TPD52: variants seen among roughly 807,000 people sequenced by gnomAD.
TPD52 encodes tumor protein D52.
TPD52 carries 17 observed loss-of-function variants against 31.3 expected under a neutral mutation model. That is an observed-to-expected ratio of 0.54 (90% confidence interval 0.37 to 0.82). TPD52 has a LOEUF of 0.82. Among genes scored for constraint, TPD52 ranks in the 40% least tolerant of loss-of-function variants. The pLI is 0.00. For synonymous variants in TPD52, 83 were observed against 89.6 expected (o/e 0.93, Z 0.42); for missense variants, 212 against 240.1 (o/e 0.88, Z 0.77).
chr8:80,127,330 T>C (rs1019032242), intron 1 of TPD52, among the ~76,000 whole-genome samples: 1 of 152,356 alleles, frequency 6.6e-6, no homozygotes, highest in East Asian at 1.9e-4. Context: ...CTGTGTATTA[T>C]AACTTCACTT....
intron 1 of TPD52, among the ~76,000 whole-genome samples, chr8:80,069,868 A>C (rs995012495): frequency 2.0e-5 from 3 of 152,194 alleles, no homozygotes; most frequent in African/African-American, 7.2e-5. Context: ...AGGGAAAGGC[A>C]GAGCAGAGTG....
At chr8:80,067,418 A>C (rs573152546) in intron 1 of TPD52, 1 of 152,382 alleles carries the variant, frequency 6.6e-6, no homozygotes, top group East Asian at 1.9e-4. Context: ...AGATACCAAA[A>C]TCACCAGCAA....
At chr8:80,134,319 G>C (rs1809239179) in intron 1 of TPD52, among the ~76,000 whole-genome samples, 1 of 152,148 alleles carries the variant, frequency 6.6e-6, no homozygotes, top group South Asian at 2.1e-4. Context: ...ATGTCCCTGG[G>C]CTCACCTTTA....
intron 1 of TPD52, among the ~76,000 whole-genome samples, chr8:80,070,080 C>G (rs1249085853): frequency 1.3e-5 from 2 of 152,146 alleles, no homozygotes; most frequent in Non-Finnish European, 2.9e-5. Flanking sequence ...ACCCATTTGC[C>G]ACATACTTTC....
chr8:80,053,972 A>G (rs964825284), intron 2 of TPD52, among the ~76,000 whole-genome samples: 7 of 152,188 alleles, frequency 4.6e-5, no homozygotes, highest in Non-Finnish European at 1.0e-4. Flanking sequence ...TGTGTCTGGC[A>G]AAGTCATGGC....
chr8:80,066,794 G>A (rs1264990384), intron 1 of TPD52: 2 of 152,164 alleles, frequency 1.3e-5, no homozygotes, highest in African/African-American at 4.8e-5. Flanking sequence ...TACCCTCTAT[G>A]TCAGATTATG....
chr8:80,165,422 T>C (rs1443662703), intron 1 of TPD52, among the ~76,000 whole-genome samples: 3 of 152,194 alleles, frequency 2.0e-5, no homozygotes, highest in African/African-American at 4.8e-5. Flanking sequence ...CAGCAAAATA[T>C]CAGGGTGAAG....
chr8:80,100,009 T>C (rs1247277069), intron 1 of TPD52, among the ~76,000 whole-genome samples: 1 of 152,230 alleles, frequency 6.6e-6, no homozygotes, highest in Non-Finnish European at 1.5e-5. Flanking sequence ...TCTGTGGATT[T>C]CTAAGAAGGC....
intron 1 of TPD52, among the ~76,000 whole-genome samples, chr8:80,170,443 A>C (rs1812004494): frequency 6.7e-6 from 1 of 148,450 alleles, no homozygotes; most frequent in African/African-American, 2.4e-5. Context: ...CAGAGTCTGA[A>C]AAAAATAAAG....
At chr8:80,124,578 T>C (rs1808474360) in intron 1 of TPD52, among the ~76,000 whole-genome samples, 1 of 152,166 alleles carries the variant, frequency 6.6e-6, no homozygotes, top group Admixed American at 6.5e-5. Context: ...TATGGCATAG[T>C]TTAATTAGCA....
chr8:80,168,175 A>T (rs1453232251), intron 1 of TPD52, among the ~76,000 whole-genome samples: 1 of 152,250 alleles, frequency 6.6e-6, no homozygotes, highest in Non-Finnish European at 1.5e-5. Context: ...GAGAGAAAGT[A>T]GAAAAACAAC....
chr8:80,096,363 C>T (rs1021333302), intron 1 of TPD52, among the ~76,000 whole-genome samples: 1 of 151,928 alleles, frequency 6.6e-6, no homozygotes, highest in African/African-American at 2.4e-5. Flanking sequence ...AGCACCAAAA[C>T]TCATCTGCTT....
intron 1 of TPD52, among the ~76,000 whole-genome samples, chr8:80,071,526 C>T (rs982082011): frequency 1.3e-5 from 2 of 152,114 alleles, no homozygotes; most frequent in African/African-American, 4.8e-5. Context: ...CCACTAAGGA[C>T]AATTCTGGGT....
intron 1 of TPD52, among the ~76,000 whole-genome samples, chr8:80,081,154 CTCTT>C (rs1256372852): frequency 2.1e-3 from 290 of 141,134 alleles, no homozygotes; most frequent in African/African-American, 6.8e-3. Flanking sequence ...TCTTTTCTCT[CTCTT>C]TTTTTTTTTT....
intron 1 of TPD52, among the ~76,000 whole-genome samples, chr8:80,134,251 G>A (rs1043012164): frequency 6.6e-6 from 1 of 152,214 alleles, no homozygotes; most frequent in African/African-American, 2.4e-5. Context: ...CCAACCCTAT[G>A]AGGGGCACTG....
chr8:80,149,786 G>A (rs1586398473), intron 1 of TPD52, among the ~76,000 whole-genome samples: 1 of 152,204 alleles, frequency 6.6e-6, no homozygotes, highest in East Asian at 1.9e-4. Context: ...CTTTGAACTT[G>A]AGAGAGATGA....
chr8:80,155,168 T>C (rs1347880811), intron 1 of TPD52, among the ~76,000 whole-genome samples: 1 of 152,084 alleles, frequency 6.6e-6, no homozygotes, highest in Non-Finnish European at 1.5e-5. Flanking sequence ...AGGCCTGATG[T>C]TACTATTGTA....
intron 1 of TPD52, among the ~76,000 whole-genome samples, chr8:80,084,167 T>C (rs925930750): frequency 6.6e-6 from 1 of 152,180 alleles, no homozygotes. Context: ...GGTAGACATC[T>C]GCTATCTTGT....
chr8:80,140,034 T>A (rs1219980583), intron 1 of TPD52, among the ~76,000 whole-genome samples: 1 of 152,250 alleles, frequency 6.6e-6, no homozygotes, highest in Non-Finnish European at 1.5e-5. Context: ...GCTCTCAACA[T>A]AATAAAGCAG....
Sources: gnomAD v4.1 joint callset for allele counts (sites outside exome capture counted in the v4.1 genomes callset) on GRCh38, gnomAD v4.1.1 for gene constraint, MANE v1.5 for transcripts, NCBI Gene and HGNC (gene_info 2026-07-23, HGNC 2026-07-21) for gene names.